The following SPOP variants were observed in gnomAD, a reference collection of about 807,000 sequenced individuals.
The protein encoded by SPOP is speckle-type POZ protein.
SPOP carries 11 observed loss-of-function variants against 45.6 expected under a neutral mutation model. The ratio of observed to expected loss-of-function variants is 0.24; its 90% CI spans 0.15 to 0.40. SPOP has a LOEUF of 0.40. SPOP is among the 10% of genes least tolerant of loss of function. The pLI is 1.00. For synonymous variants in SPOP, 166 were observed against 166.3 expected, an observed-to-expected ratio of 1.00 and a Z score of 0.01; for missense variants, 152 against 465.6, an observed-to-expected ratio of 0.33 and a Z score of 6.20.
chr17:49,619,092 A>G lies in SPOP; in HGVS notation c.369T>C (p.Tyr123=). ...CCCAGTCTTTGCCTTGCACAAACCT[A>G]TATGCCCGTTGACTCTCTGGGGTGG... ...ETKAMESQRA[Y]RFVQGKDWGF... The change falls in exon 5 of 10, where the codon TAT becomes TAC. Residue 123 remains tyrosine, a synonymous_variant. Transcript: ENST00000504102. This position sits in a 1 kb window ranked among gnomAD's most constrained non-coding sequence, Gnocchi z 4.9. 1 of 1,614,050 alleles carries G rather than the reference A, an allele frequency of 6.2e-7. No homozygotes were observed. The highest frequency in any genetic ancestry group is 1.1e-5 in the South Asian group (1 of 91,074).
Position 49,677,937 on chromosome 17 carries a change from G to A in SPOP, c.-71C>T, listed in dbSNP as rs1012082736. 9 of 375,178 alleles carry A rather than the reference G, an allele frequency of 2.4e-5. No homozygotes were observed. The highest frequency in any genetic ancestry group is 1.7e-4 in the African/African-American group (7 of 41,036). The allele number at this position is 375,178 out of a possible 1,614,324, so 23.2% of individuals were successfully genotyped here. ...GACTCTCCTCCCCCCACTCACCTGA[G>A]AGCGGCGGCGACAGCTGCTGGTCCC... is the stretch of plus-strand genomic sequence containing the variant. On this transcript the variant is annotated 5_prime_UTR_variant, in exon 1 of 10. Transcript: ENST00000504102.
intron 8 of SPOP, 163 bp from the exon 9 acceptor site, chr17:49,602,170 TG>T: frequency 2.7e-6 from 2 of 747,840 alleles, no homozygotes; most frequent in Non-Finnish European, 4.0e-6. Flanking sequence ...TAACCATTTC[TG>T]AAGGTTAGAT....
chr17:49,606,597 G>A (rs578149750), intron 8 of SPOP, among the ~76,000 whole-genome samples: 11 of 146,292 alleles, frequency 7.5e-5, no homozygotes, highest in African/African-American at 2.5e-4. Flanking sequence ...GGGTTCAAGC[G>A]ATCCTCTTGC....
intron 1 of SPOP, among the ~76,000 whole-genome samples, chr17:49,628,114 G>A (rs1033017002): frequency 6.6e-6 from 1 of 152,226 alleles, no homozygotes; most frequent in South Asian, 2.1e-4. Context: ...CTCTGCAGCA[G>A]ACAGCTAAAG....
chr17:49,638,366 G>C (rs911011682), intron 1 of SPOP, among the ~76,000 whole-genome samples: 1 of 152,118 alleles, frequency 6.6e-6, no homozygotes, highest in Non-Finnish European at 1.5e-5. Flanking sequence ...CGAGGCAGGC[G>C]GATCACGAGG....
rs558322599 is a variant in SPOP at position 49,627,067 on chromosome 17, T to C, written c.-66-4191A>G. Reference sequence around the variant, plus strand: ...GGTTTCACCATGTTAGCCAGGATGGTCTCGATCTCCTGACCTCGTGATTTG... The same window carrying C: ...GGTTTCACCATGTTAGCCAGGATGGCCTCGATCTCCTGACCTCGTGATTTG... On this transcript the variant is annotated intron_variant, in intron 1 of 9. Transcript: ENST00000504102. 3.3e-5 allele frequency among the ~76,000 whole-genome samples: 5 copies of C among 152,294 alleles called. No individual in the cohort carries two copies. The South Asian group carries it at 8.3e-4, about 25-fold the overall frequency.
At chr17:49,611,538 T>G in intron 5 of SPOP, 81 bp from the exon 6 acceptor site, 2 of 1,270,468 alleles carry the variant, frequency 1.6e-6, no homozygotes, top group Non-Finnish European at 2.3e-6. Context: ...TTTACCTAAC[T>G]GCTGTAGTAC....
intron 6 of SPOP, among the ~76,000 whole-genome samples, chr17:49,611,067 A>AG (rs1445404162): frequency 1.3e-5 from 2 of 152,180 alleles, no homozygotes; most frequent in Non-Finnish European, 2.9e-5. Flanking sequence ...ATGATGGCCT[A>AG]GGTCCACTAC....
At chr17:49,673,556 T>C (rs1302118009) in intron 1 of SPOP, among the ~76,000 whole-genome samples, 1 of 152,072 alleles carries the variant, frequency 6.6e-6, no homozygotes, top group Non-Finnish European at 1.5e-5. Flanking sequence ...AAAGTAAATA[T>C]AGCAAAATGT....
At chr17:49,666,426 G>C (rs1258202546) in intron 1 of SPOP, among the ~76,000 whole-genome samples, 1 of 148,608 alleles carries the variant, frequency 6.7e-6, no homozygotes, top group Non-Finnish European at 1.5e-5. Context: ...TCCATATAGG[G>C]GAGGATTCCT....
chr17:49,670,212 C>T (rs958290201), intron 1 of SPOP, among the ~76,000 whole-genome samples: 17 of 152,330 alleles, frequency 1.1e-4, no homozygotes, highest in African/African-American at 4.1e-4. Flanking sequence ...CCAAGCATTT[C>T]CTCAAGAATG....
Position 49,654,920 on chromosome 17 carries a change from C to T in SPOP, c.-67+23013G>A, listed in dbSNP as rs78280240. On this transcript the variant is annotated intron_variant, in intron 1 of 9. Coordinates refer to ENST00000504102, the MANE Select transcript of SPOP (RefSeq NM_001007228.2). The stretch of plus-strand genomic sequence containing the variant: ...GAAGAAACTGAGTTTACTAGCAAAA[C>T]TGAGGAACAGATCCTGAATCTTTAA... Among the ~76,000 whole-genome samples the T allele has an allele frequency of 3.2e-3, 482 of 152,266 alleles. 5 individuals are homozygous for T. Among genetic ancestry groups the T allele is most frequent in the African/African-American group, 0.011 (467 of 41,542 alleles).
chr17:49,648,352 A>G (rs925230350), intron 1 of SPOP, among the ~76,000 whole-genome samples: 23 of 152,168 alleles, frequency 1.5e-4, no homozygotes, highest in African/African-American at 5.6e-4. Context: ...CAAATTCATC[A>G]CCTACCACTC....
intron 6 of SPOP, among the ~76,000 whole-genome samples, chr17:49,609,669 A>G (rs542552661): frequency 6.8e-4 from 104 of 152,288 alleles, no homozygotes; most frequent in African/African-American, 2.3e-3. Context: ...GTAATTTTGA[A>G]AAACTGCTTT....
At chr17:49,615,662 G>A (rs562717701) in intron 5 of SPOP, among the ~76,000 whole-genome samples, 3 of 152,182 alleles carry the variant, frequency 2.0e-5, no homozygotes, top group Admixed American at 6.5e-5. Context: ...CCACAGGGGT[G>A]GGCCACCACT....
chr17:49,600,704 G>A lies in SPOP; in HGVS notation c.981-182C>T. 1 of 633,124 alleles carries A rather than the reference G, an allele frequency of 1.6e-6. No homozygotes were observed. Among genetic ancestry groups the A allele is most frequent in the Non-Finnish European group, 2.7e-6 (1 of 373,030 alleles). 39.2% of individuals were successfully genotyped at this position (633,124 alleles called of 1,614,324 possible). Reference sequence around the variant, plus strand: ...CAATGAGCAGACTGGTGACTTGCCTGTGGCTGTCGTCATCTGAAAACCAAG... The same window carrying A: ...CAATGAGCAGACTGGTGACTTGCCTATGGCTGTCGTCATCTGAAAACCAAG... On this transcript the variant is annotated intron_variant, in intron 9 of 9. Transcript: ENST00000504102. The surrounding 1 kb of genome is among the most constrained non-coding windows in gnomAD (Gnocchi z 4.2).
rs1270817693 is a variant in SPOP, at chr17:49,599,260, C to A, written c.*1118G>T. The A allele has an allele frequency of 4.6e-6, 1 of 218,418 alleles. No homozygotes were observed. Among genetic ancestry groups the A allele is most frequent in the Non-Finnish European group, 9.1e-6 (1 of 109,298 alleles). 13.5% of individuals were successfully genotyped at this position (218,418 alleles called of 1,614,324 possible). ...CAAGAGACAAGGCAGGTGAGTGAAA[C>A]AAAAGACCAGAGATACCACACAGTA... On this transcript the variant is annotated 3_prime_UTR_variant, in exon 10 of 10. Transcript: ENST00000504102.
intron 8 of SPOP, among the ~76,000 whole-genome samples, chr17:49,604,453 A>G (rs944093849): frequency 1.3e-5 from 2 of 152,122 alleles, no homozygotes; most frequent in Admixed American, 1.3e-4. Context: ...TAAAACCTCC[A>G]CTATAAACAC....
chr17:49,647,197 G>A (rs1254900127), intron 1 of SPOP, among the ~76,000 whole-genome samples: 5 of 151,530 alleles, frequency 3.3e-5, no homozygotes, highest in African/African-American at 9.7e-5. Flanking sequence ...TCGGAAGGCT[G>A]AGCGGGAGGC....
Sources: gnomAD v4.1 joint callset for allele counts (sites outside exome capture counted in the v4.1 genomes callset) on GRCh38, gnomAD v4.1.1 for gene constraint, Gnocchi (gnomAD v3.1) non-coding constraint, MANE v1.5 for transcripts, NCBI Gene and HGNC (gene_info 2026-07-23, HGNC 2026-07-21) for gene names.